ZNF475: variants seen among roughly 807,000 people sequenced by gnomAD.
The protein encoded by ZNF475 is zinc finger protein 475.
chr5:122,160,234 C>T, the ZNF475 span: 1 of 1,289,832 alleles, frequency 7.8e-7, no homozygotes, highest in Non-Finnish European at 1.0e-6. Flanking sequence ...GATCCCATGG[C>T]TCTCACATCG....
At chr5:122,172,469 C>T in the ZNF475 span, among the ~76,000 whole-genome samples, 1 of 152,140 alleles carries the variant, frequency 6.6e-6, no homozygotes, top group African/African-American at 2.4e-5. Context: ...AGCTCACTTC[C>T]TGGGGCTAAT....
At chr5:122,179,822 A>G in the ZNF475 span, 6 of 942,370 alleles carry the variant, frequency 6.4e-6, no homozygotes, top group Admixed American at 3.6e-5. Context: ...CACTTGTTCA[A>G]ACGACCAAAA....
the ZNF475 span, among the ~76,000 whole-genome samples, chr5:122,165,384 T>G: frequency 6.6e-6 from 1 of 152,192 alleles, no homozygotes; most frequent in Non-Finnish European, 1.5e-5. Flanking sequence ...AGAGACAAAG[T>G]ACACATTGAC....
At chr5:122,160,208 C>G in the ZNF475 span, 1 of 1,289,622 alleles carries the variant, frequency 7.8e-7, no homozygotes, top group South Asian at 1.2e-5. Flanking sequence ...GCCTGCATAT[C>G]AGGGCAGCAT....
chr5:122,160,278 C>A, the ZNF475 span: 1 of 1,289,714 alleles, frequency 7.8e-7, no homozygotes. Flanking sequence ...AGGACCAGTT[C>A]TCTTCTACAT....
the ZNF475 span, among the ~76,000 whole-genome samples, chr5:122,172,641 G>C: frequency 6.6e-6 from 1 of 152,110 alleles, no homozygotes; most frequent in Non-Finnish European, 1.5e-5. Context: ...GTGATGCTTG[G>C]ATCACATTCT....
the ZNF475 span, among the ~76,000 whole-genome samples, chr5:122,169,898 A>G: frequency 6.6e-6 from 1 of 152,232 alleles, no homozygotes; most frequent in Admixed American, 6.5e-5. Context: ...AGCCTAGACT[A>G]AAATATCTGT....
chr5:122,170,129 T>A, the ZNF475 span, among the ~76,000 whole-genome samples: 1 of 152,252 alleles, frequency 6.6e-6, no homozygotes, highest in African/African-American at 2.4e-5. Context: ...TAAAGTACCG[T>A]ATTTTTATTT....
the ZNF475 span, chr5:122,182,483 C>A: frequency 7.0e-7 from 1 of 1,420,636 alleles, no homozygotes; most frequent in Non-Finnish European, 9.2e-7. Context: ...TTTCCTTTAA[C>A]TTTCCAGCCA....
chr5:122,167,147 C>A, the ZNF475 span, among the ~76,000 whole-genome samples: 92 of 152,276 alleles, frequency 6.0e-4, no homozygotes, highest in South Asian at 2.1e-3. Context: ...ATATGGCTAG[C>A]CAAGAAACTG....
chr5:122,160,881 T>C, the ZNF475 span, among the ~76,000 whole-genome samples: 2 of 152,316 alleles, frequency 1.3e-5, no homozygotes, highest in Admixed American at 6.5e-5. Context: ...AATGAGCGAA[T>C]GGATATAGCT....
chr5:122,172,108 T>C, the ZNF475 span, among the ~76,000 whole-genome samples: 1 of 152,176 alleles, frequency 6.6e-6, no homozygotes, highest in Admixed American at 6.5e-5. Flanking sequence ...ACTCTTTGAG[T>C]CACAATCTCT....
chr5:122,160,257 A>G, the ZNF475 span: 5 of 1,289,790 alleles, frequency 3.9e-6, no homozygotes, highest in Non-Finnish European at 4.0e-6. Flanking sequence ...AGACCACAAC[A>G]CTAAGGTAAC....
chr5:122,175,368 G>C, the ZNF475 span, among the ~76,000 whole-genome samples: 1 of 152,106 alleles, frequency 6.6e-6, no homozygotes, highest in African/African-American at 2.4e-5. Flanking sequence ...TTCCCCAATG[G>C]AGACCACACA....
the ZNF475 span, among the ~76,000 whole-genome samples, chr5:122,169,670 G>C: frequency 3.9e-5 from 6 of 152,116 alleles, no homozygotes; most frequent in African/African-American, 1.4e-4. Context: ...ACAGTCAAGA[G>C]GCGGGGGGTG....
chr5:122,168,455 A>G, the ZNF475 span, among the ~76,000 whole-genome samples: 13,057 of 152,330 alleles, frequency 0.086, 668 homozygotes, highest in South Asian at 0.12. Flanking sequence ...TCAAGCCTGT[A>G]ATCCCAGCAC....
At chr5:122,168,279 G>T in the ZNF475 span, among the ~76,000 whole-genome samples, 1 of 152,152 alleles carries the variant, frequency 6.6e-6, no homozygotes, top group South Asian at 2.1e-4. Context: ...CCTGACCTCA[G>T]GTGATCCGCC....
the ZNF475 span, among the ~76,000 whole-genome samples, chr5:122,181,888 C>T: frequency 1.3e-5 from 2 of 152,084 alleles, no homozygotes; most frequent in African/African-American, 4.8e-5. Flanking sequence ...AAGGACGTAT[C>T]TTTTTGTCAG....
At chr5:122,176,593 T>G in the ZNF475 span, among the ~76,000 whole-genome samples, 1 of 152,186 alleles carries the variant, frequency 6.6e-6, no homozygotes, top group Non-Finnish European at 1.5e-5. Context: ...TGTCAGATTG[T>G]CACCTCCTAT....
Sources: gnomAD v4.1 joint callset for allele counts (sites outside exome capture counted in the v4.1 genomes callset) on GRCh38, gnomAD v4.1.1 for gene constraint, MANE v1.5 for transcripts, NCBI Gene and HGNC (gene_info 2026-07-23, HGNC 2026-07-21) for gene names.